The following GPR149 variants were observed in gnomAD, a reference collection of about 807,000 sequenced individuals.
GPR149 encodes probable G protein-coupled receptor 149.
GPR149 carries 50 observed loss-of-function variants against 50.2 expected under a neutral mutation model. The ratio of observed to expected loss-of-function variants is 1.00; its 90% CI spans 0.79 to 1.26. The LOEUF is 1.26. GPR149 is among the 50% of genes most tolerant of loss of function. GPR149 has a pLI of 0.00. For synonymous variants in GPR149, 405 were observed against 358.2 expected (o/e 1.13, Z -1.48); for missense variants, 983 against 895.4 (o/e 1.10, Z -1.25).
chr3:154,407,951 TATGTCATG>T (rs1711741963), intron 3 of GPR149, among the ~76,000 whole-genome samples: 2 of 152,174 alleles, frequency 1.3e-5, no homozygotes, highest in African/African-American at 4.8e-5. Flanking sequence ...AAAAAATGAT[TATGTCATG>T]TTGGATAGAT....
chr3:154,374,528 G>A (rs1010666478), intron 3 of GPR149, among the ~76,000 whole-genome samples: 60 of 151,948 alleles, frequency 3.9e-4, no homozygotes, highest in Non-Finnish European at 8.8e-5. Context: ...GAAGGTGAGG[G>A]CTCTCTAGTC....
chr3:154,378,713 C>T (rs1430822213), intron 3 of GPR149, among the ~76,000 whole-genome samples: 1 of 152,128 alleles, frequency 6.6e-6, no homozygotes, highest in African/African-American at 2.4e-5. Context: ...ATTTTTTAAC[C>T]TCACCAACAC....
At chr3:154,392,412 C>T (rs9854406) in intron 3 of GPR149, among the ~76,000 whole-genome samples, 2 of 151,412 alleles carry the variant, frequency 1.3e-5, no homozygotes, top group African/African-American at 4.8e-5. Context: ...CCCAACATAC[C>T]TGAACTTAGG....
At chr3:154,403,914 GA>G (rs1176832239) in intron 3 of GPR149, among the ~76,000 whole-genome samples, 1 of 152,184 alleles carries the variant, frequency 6.6e-6, no homozygotes, top group African/African-American at 2.4e-5. Flanking sequence ...TCTGGTTACT[GA>G]GTACTTGAGC....
At chr3:154,343,172 T>G (rs960528787) in intron 3 of GPR149, among the ~76,000 whole-genome samples, 1 of 152,152 alleles carries the variant, frequency 6.6e-6, no homozygotes, top group Non-Finnish European at 1.5e-5. Context: ...AAAATAGTCA[T>G]GAGAAATCAG....
At position 154,339,884 on chromosome 3, in the gene GPR149, A is replaced by G. The variant is rs145774039; in HGVS notation, c.1624-1613T>C. 8.0e-3 allele frequency among the ~76,000 whole-genome samples: 1,052 copies of G among 131,704 alleles called. 12 individuals carry two copies. The highest frequency in any genetic ancestry group is 0.03 in the African/African-American group (1,015 of 34,350). The allele number at this position is 131,704 out of a possible 152,430, so 86.4% of individuals were successfully genotyped here. Reference sequence around the variant, plus strand: ...GGTTCACTGCAAGCTCTGCCTCCTGAGTTCGTGCCATTCTCCTGCCTCAGC... The same window carrying G: ...GGTTCACTGCAAGCTCTGCCTCCTGGGTTCGTGCCATTCTCCTGCCTCAGC... On this transcript the variant is annotated intron_variant, in intron 3 of 3. Transcript: ENST00000389740.
At chr3:154,382,884 C>T (rs1714962097) in intron 3 of GPR149, among the ~76,000 whole-genome samples, 1 of 152,144 alleles carries the variant, frequency 6.6e-6, no homozygotes, top group African/African-American at 2.4e-5. Flanking sequence ...ATTAGTCATT[C>T]AAAAAATTGC....
chr3:154,381,331 A>G (rs1050664149), intron 3 of GPR149, among the ~76,000 whole-genome samples: 2 of 152,078 alleles, frequency 1.3e-5, no homozygotes, highest in African/African-American at 4.8e-5. Context: ...AAATAACCCA[A>G]AGAACTGATG....
In GPR149 at chr3:154,429,286, T is replaced by C. The variant is rs759207530; in HGVS notation, c.330A>G (p.Leu110=). The part of the protein sequence containing the change: ...YFQFLCTTSA[L]MYLCQGLSSN... ...TAGAGAGGCCCTGGCATAAATACAT[T>C]AAGGCAGAGGTGGTGCACAGAAATT... Residue 110 remains leucine (L), a synonymous_variant, in exon 1 of 4, where the codon TTA becomes TTG. Transcript: ENST00000389740. 3 of 1,614,138 alleles carry C rather than the reference T, an allele frequency of 1.9e-6. No homozygotes were observed. The South Asian group carries it at 3.3e-5, about 18-fold the overall frequency.
At chr3:154,361,767 G>A (rs1714412025) in intron 3 of GPR149, among the ~76,000 whole-genome samples, 2 of 152,046 alleles carry the variant, frequency 1.3e-5, no homozygotes, top group Non-Finnish European at 2.9e-5. Flanking sequence ...AAGTATTCGA[G>A]GAACATTAAA....
intron 3 of GPR149, among the ~76,000 whole-genome samples, chr3:154,402,627 C>T (rs1019195683): frequency 6.6e-6 from 1 of 152,016 alleles, no homozygotes; most frequent in African/African-American, 2.4e-5. Flanking sequence ...ACCCAAAACA[C>T]GGTATGATTT....
intron 3 of GPR149, among the ~76,000 whole-genome samples, chr3:154,347,408 T>C (rs1343972881): frequency 6.6e-6 from 1 of 152,090 alleles, no homozygotes; most frequent in African/African-American, 2.4e-5. Flanking sequence ...TATAAAATCA[T>C]CAGATCTCAT....
At position 154,338,209 on chromosome 3, in the gene GPR149, T is replaced by G; in HGVS notation, c.1686A>C (p.Ala562=). ...AAAGAGATAGGGTTTTCCCTGTAGGTGCATGGAGAGACACAGTCCCCTGGA... is the reference window on the plus strand; with the variant it reads ...AAAGAGATAGGGTTTTCCCTGTAGGGGCATGGAGAGACACAGTCCCCTGGA... ...CAFQGTVSLH[A]PTGKTLSLST... The change falls in exon 4 of 4, where the codon GCA becomes GCC. Residue 562 remains alanine, a synonymous_variant. Transcript: ENST00000389740. 1.2e-6 allele frequency: 2 copies of G among 1,613,524 alleles called. No individual in the cohort carries two copies. The highest frequency in any genetic ancestry group is 1.7e-6 in the Non-Finnish European group (2 of 1,179,788).
intron 3 of GPR149, among the ~76,000 whole-genome samples, chr3:154,381,311 A>G (rs1038386141): frequency 1.2e-4 from 19 of 152,172 alleles, no homozygotes; most frequent in Non-Finnish European, 2.2e-4. Context: ...CATTGTCACA[A>G]TCTAACAGAA....
intron 3 of GPR149, among the ~76,000 whole-genome samples, chr3:154,413,633 G>C (rs556297042): frequency 6.6e-3 from 336 of 51,148 alleles, no homozygotes; most frequent in Non-Finnish European, 9.8e-3. Flanking sequence ...GAATGGCCAT[G>C]ATTATAAAAT....
At chr3:154,408,289 T>G (rs1362289311) in intron 3 of GPR149, among the ~76,000 whole-genome samples, 1 of 152,126 alleles carries the variant, frequency 6.6e-6, no homozygotes, top group Admixed American at 6.5e-5. Context: ...CTCCAAGAAC[T>G]ACTGCAGGAA....
rs750489757 is a variant in GPR149 at position 154,429,350 on chromosome 3, A to G, written c.266T>C (p.Met89Thr). The change falls in exon 1 of 4, where the codon ATG becomes ACG. Residue 89 changes from methionine (M) to threonine (T), a missense_variant. Coordinates refer to ENST00000389740, the MANE Select transcript of GPR149 (RefSeq NM_001038705.3). The stretch of plus-strand genomic sequence containing the variant: ...GACCTCGTTTGGCCACTGCAAAAAC[A>G]TGAAGATGGTCACCGACAGGACGCT... ...LMSVLSVTIF[M>T]FLQWPNEVPG... 19 of 1,614,128 alleles carry G rather than the reference A, an allele frequency of 1.2e-5. No homozygotes were observed. The East Asian group carries it at 1.6e-4, about 13-fold the overall frequency.
chr3:154,346,963 C>G (rs941279072), intron 3 of GPR149, among the ~76,000 whole-genome samples: 1 of 152,066 alleles, frequency 6.6e-6, no homozygotes, highest in Non-Finnish European at 1.5e-5. Context: ...TGATATCCAT[C>G]CCCCAAAATA....
At chr3:154,353,884 C>A in intron 3 of GPR149, 3 of 573,094 alleles carry the variant, frequency 5.2e-6, no homozygotes, top group Admixed American at 2.7e-5. Context: ...GTTTCAGAAG[C>A]TTTACAGTCT....
Sources: allele counts gnomAD v4.1 joint callset (sites outside exome capture counted in the v4.1 genomes callset), GRCh38; gene constraint gnomAD v4.1.1; transcripts MANE v1.5; gene names NCBI Gene and HGNC (gene_info 2026-07-23, HGNC 2026-07-21).